PLEKHA7: variants seen among roughly 807,000 people sequenced by gnomAD.
PLEKHA7 encodes pleckstrin homology domain-containing family A member 7.
Under a neutral mutation model 170.0 loss-of-function variants are expected in PLEKHA7, and 104 were observed. The observed-to-expected ratio is 0.61, with a 90% confidence interval of 0.52 to 0.72. The LOEUF (loss-of-function observed/expected upper bound fraction) is 0.72. Among genes scored for constraint, PLEKHA7 ranks in the 30% least tolerant of loss-of-function variants. The pLI, the probability that PLEKHA7 is intolerant of heterozygous loss-of-function variation, is 0.00. For synonymous variants in PLEKHA7, 648 were observed against 660.8 expected (o/e 0.98, Z 0.30); for missense variants, 1,615 against 1,671.7 (o/e 0.97, Z 0.59).
chr11:16,863,668 C>T (rs388519), intron 4 of PLEKHA7, among the ~76,000 whole-genome samples: 116,440 of 151,902 alleles, frequency 0.77, 46,996 homozygotes, highest in East Asian at 0.91. Context: ...CAGAGGCATT[C>T]GTCAGTGGCT....
rs143765565 is a variant in PLEKHA7, at chr11:16,859,031, C to A, written c.306-3117G>T. 4.0e-3 allele frequency among the ~76,000 whole-genome samples: 602 copies of A among 152,358 alleles called. 3 individuals carry two copies. Among genetic ancestry groups the A allele is most frequent in the African/African-American group, 0.013 (561 of 41,592 alleles). On this transcript the variant is annotated intron_variant, in intron 4 of 26. Transcript: ENST00000531066. ...CCTCATGGTCTACACCGCTCAAACA[C>A]ACCCATAGAAAGCCTATTAGGAAAT...
intron 11 of PLEKHA7, 104 bp downstream of exon 11, chr11:16,816,696 C>T (rs1849781132): frequency 7.4e-7 from 1 of 1,349,332 alleles, no homozygotes; most frequent in Admixed American, 2.0e-5. Context: ...TAAGTATTAG[C>T]TATCATTATT....
At chr11:16,929,455 C>T (rs1859776548) in intron 3 of PLEKHA7, among the ~76,000 whole-genome samples, 2 of 152,202 alleles carry the variant, frequency 1.3e-5, no homozygotes, top group South Asian at 4.1e-4. Flanking sequence ...ACTCTTGGTC[C>T]TAAGAACCCA....
At chr11:16,949,098 A>G (rs1251665837) in intron 3 of PLEKHA7, among the ~76,000 whole-genome samples, 1 of 151,764 alleles carries the variant, frequency 6.6e-6, no homozygotes, top group East Asian at 1.9e-4. Context: ...TCCATCCCCC[A>G]GAAAGCTGCC....
At chr11:16,945,921 C>T (rs1482178088) in intron 3 of PLEKHA7, among the ~76,000 whole-genome samples, 3 of 152,248 alleles carry the variant, frequency 2.0e-5, no homozygotes, top group Non-Finnish European at 4.4e-5. Context: ...TGCTGCTCTG[C>T]CTTCCCATCT....
intron 4 of PLEKHA7, among the ~76,000 whole-genome samples, chr11:16,864,635 T>C (rs898699423): frequency 1.3e-5 from 2 of 152,172 alleles, no homozygotes; most frequent in Non-Finnish European, 2.9e-5. Flanking sequence ...AGTGAGTAAG[T>C]CTCACAAGAT....
intron 3 of PLEKHA7, among the ~76,000 whole-genome samples, chr11:16,977,086 G>A (rs528617259): frequency 1.3e-5 from 2 of 152,278 alleles, no homozygotes; most frequent in East Asian, 1.9e-4. Flanking sequence ...TTGCAGATGG[G>A]TAAACTTTCT....
At chr11:16,927,860 A>G (rs1182754253) in intron 3 of PLEKHA7, among the ~76,000 whole-genome samples, 1 of 152,240 alleles carries the variant, frequency 6.6e-6, no homozygotes, top group African/African-American at 2.4e-5. Flanking sequence ...TACGACAGGA[A>G]ATTGGTTAAT....
chr11:16,963,074 C>CA (rs1862163815), intron 3 of PLEKHA7, among the ~76,000 whole-genome samples: 1 of 152,236 alleles, frequency 6.6e-6, no homozygotes, highest in Non-Finnish European at 1.5e-5. Context: ...TGGCCTTCCA[C>CA]TCCTTGACCC....
At chr11:16,814,376 G>A (rs1849592011) in intron 12 of PLEKHA7, among the ~76,000 whole-genome samples, 1 of 152,192 alleles carries the variant, frequency 6.6e-6, no homozygotes, top group African/African-American at 2.4e-5. Context: ...GAAGGTAACA[G>A]TCCTGTCACC....
At chr11:16,904,658 A>C (rs1371025669) in intron 3 of PLEKHA7, among the ~76,000 whole-genome samples, 1 of 152,236 alleles carries the variant, frequency 6.6e-6, no homozygotes, top group Non-Finnish European at 1.5e-5. Context: ...GAAAATTTAG[A>C]AAATAAAAGC....
intron 9 of PLEKHA7, among the ~76,000 whole-genome samples, chr11:16,840,202 T>TCTCACTCA (rs975235063): frequency 6.6e-6 from 1 of 152,164 alleles, no homozygotes; most frequent in African/African-American, 2.4e-5. Flanking sequence ...TCATCGAATC[T>TCTCACTCA]CTCACTCACT....
chr11:17,014,406 G>C lies in PLEKHA7; in HGVS notation c.-5C>G. On this transcript the variant is annotated 5_prime_UTR_variant, in exon 1 of 27. Coordinates refer to ENST00000531066, the MANE Select transcript of PLEKHA7 (RefSeq NM_001329630.2). ...CCCGACCGTCGCCGCCGCCATGTTC[G>C]CCGAGCGCGGAGCCGCCGCGGGGTG... The C allele has an allele frequency of 7.6e-7, 1 of 1,321,860 alleles. No homozygotes were observed. The highest frequency in any genetic ancestry group is 9.8e-7 in the Non-Finnish European group (1 of 1,023,114). The allele number at this position is 1,321,860 out of a possible 1,614,324, so 81.9% of individuals were successfully genotyped here. A position where few individuals can be genotyped will look rare whatever the true frequency, so the allele number is the denominator to read the frequency against.
intron 3 of PLEKHA7, among the ~76,000 whole-genome samples, chr11:16,964,214 C>G (rs1264429460): frequency 2.0e-5 from 3 of 152,192 alleles, no homozygotes; most frequent in Non-Finnish European, 4.4e-5. Context: ...ATCCATTCAT[C>G]TGTTGATGGA....
intron 4 of PLEKHA7, among the ~76,000 whole-genome samples, chr11:16,863,390 C>T (rs1286846560): frequency 6.6e-6 from 1 of 152,146 alleles, no homozygotes; most frequent in Admixed American, 6.5e-5. Flanking sequence ...ACAAGCTAAA[C>T]TCACTGGGAT....
chr11:16,839,991 G>A (rs955830549), intron 9 of PLEKHA7, among the ~76,000 whole-genome samples: 1 of 152,124 alleles, frequency 6.6e-6, no homozygotes, highest in Non-Finnish European at 1.5e-5. Context: ...GAGGGGAAAT[G>A]CCAACCACAC....
intron 3 of PLEKHA7, among the ~76,000 whole-genome samples, chr11:16,894,122 G>A (rs1470232640): frequency 6.6e-6 from 1 of 152,166 alleles, no homozygotes; most frequent in Non-Finnish European, 1.5e-5. Flanking sequence ...GGTTGCCAAG[G>A]TCCTGTGAGA....
At chr11:16,919,286 G>A (rs549873665) in intron 3 of PLEKHA7, among the ~76,000 whole-genome samples, 1 of 152,304 alleles carries the variant, frequency 6.6e-6, no homozygotes, top group East Asian at 1.9e-4. Context: ...GGAAACTCTG[G>A]TGAAAAGAAA....
chr11:16,895,347 A>G (rs1856932798), intron 3 of PLEKHA7, among the ~76,000 whole-genome samples: 1 of 152,202 alleles, frequency 6.6e-6, no homozygotes, highest in Non-Finnish European at 1.5e-5. Context: ...CTACCTCTGA[A>G]GAAGGTAACA....
Sources: gnomAD v4.1 joint callset for allele counts (sites outside exome capture counted in the v4.1 genomes callset) on GRCh38, gnomAD v4.1.1 for gene constraint, MANE v1.5 for transcripts, NCBI Gene and HGNC (gene_info 2026-07-23, HGNC 2026-07-21) for gene names.